ARHGEF37: variants seen among roughly 807,000 people sequenced by gnomAD.
ARHGEF37 encodes the protein Rho guanine nucleotide exchange factor 37.
Under a neutral mutation model 71.1 loss-of-function variants are expected in ARHGEF37, and 55 were observed. The ratio of observed to expected loss-of-function variants is 0.77; its 90% CI spans 0.62 to 0.97. ARHGEF37 has a LOEUF of 0.97. Ranked by LOEUF, ARHGEF37 falls within the 50% of genes least tolerant of loss-of-function variation. The pLI, the probability that ARHGEF37 is intolerant of heterozygous loss-of-function variation, is 0.00. For synonymous variants in ARHGEF37, 327 were observed against 350.6 expected (o/e 0.93, Z 0.75); for missense variants, 765 against 836.8 (o/e 0.91, Z 1.06).
At chr5:149,602,115 G>A (rs375115881) in intron 3 of ARHGEF37, among the ~76,000 whole-genome samples, 5 of 151,150 alleles carry the variant, frequency 3.3e-5, no homozygotes, top group Admixed American at 6.6e-5. Context: ...CGAGTGCAGC[G>A]GCATGATCTC....
intron 1 of ARHGEF37, among the ~76,000 whole-genome samples, chr5:149,563,395 A>G (rs1464207356): frequency 2.0e-5 from 3 of 152,088 alleles, no homozygotes; most frequent in Non-Finnish European, 4.4e-5. Context: ...GACTCTTTCT[A>G]CTTACCTTCT....
intron 1 of ARHGEF37, among the ~76,000 whole-genome samples, chr5:149,569,691 A>G (rs1005066891): frequency 6.6e-6 from 1 of 151,636 alleles, no homozygotes; most frequent in East Asian, 1.9e-4. Context: ...GTCTTGGCTC[A>G]CTGCAACCTC....
chr5:149,626,648 G>A (rs1467434408), intron 10 of ARHGEF37, among the ~76,000 whole-genome samples: 6 of 152,158 alleles, frequency 3.9e-5, no homozygotes, highest in Non-Finnish European at 7.3e-5. Flanking sequence ...TGTGAAATCC[G>A]CCATGTGCTG....
At chr5:149,624,790 T>G (rs1752632606) in intron 10 of ARHGEF37, among the ~76,000 whole-genome samples, 1 of 152,200 alleles carries the variant, frequency 6.6e-6, no homozygotes, top group Non-Finnish European at 1.5e-5. Flanking sequence ...TAAATAAAAA[T>G]TTTGATTATG....
At chr5:149,610,419 G>A (rs570175073) in intron 4 of ARHGEF37, among the ~76,000 whole-genome samples, 14 of 152,238 alleles carry the variant, frequency 9.2e-5, no homozygotes, top group South Asian at 2.1e-4. Context: ...ATATGTATTC[G>A]AATTTAAATT....
intron 11 of ARHGEF37, among the ~76,000 whole-genome samples, chr5:149,627,970 A>G (rs1206396733): frequency 6.6e-6 from 1 of 152,286 alleles, no homozygotes. Flanking sequence ...TAAGTAGTCC[A>G]TAATTCCATG....
intron 1 of ARHGEF37, among the ~76,000 whole-genome samples, chr5:149,561,020 A>G (rs1275382581): frequency 6.6e-6 from 1 of 152,202 alleles, no homozygotes; most frequent in East Asian, 1.9e-4. Context: ...CACGCCTGTA[A>G]TCCCAGCACT....
chr5:149,577,623 T>A (rs974978667), upstream of ARHGEF37, among the ~76,000 whole-genome samples: 4 of 152,204 alleles, frequency 2.6e-5, no homozygotes, highest in Admixed American at 2.6e-4. Context: ...AACACCCACT[T>A]CTCCAGGTTT....
chr5:149,580,048 C>T (rs1020712353), upstream of ARHGEF37, among the ~76,000 whole-genome samples: 1 of 152,004 alleles, frequency 6.6e-6, no homozygotes, highest in Non-Finnish European at 1.5e-5. Context: ...CTCAGCTTCC[C>T]TTGCTTTTCT....
intron 1 of ARHGEF37, among the ~76,000 whole-genome samples, chr5:149,566,111 G>T (rs534932067): frequency 4.0e-5 from 6 of 151,600 alleles, no homozygotes; most frequent in Non-Finnish European, 7.4e-5. Flanking sequence ...CGCCCAAAGT[G>T]CTGGGATTAC....
At chr5:149,590,342 C>T (rs988535895) in intron 1 of ARHGEF37, among the ~76,000 whole-genome samples, 1 of 142,938 alleles carries the variant, frequency 7.0e-6, no homozygotes, top group African/African-American at 2.7e-5. Flanking sequence ...AGTGCAGTGG[C>T]ACAATCTTGG....
intron 1 of ARHGEF37, among the ~76,000 whole-genome samples, chr5:149,561,222 G>T (rs1002893034): frequency 2.8e-5 from 4 of 142,906 alleles, no homozygotes; most frequent in Admixed American, 2.2e-4. Flanking sequence ...GCAGTGAGCC[G>T]AGATCACGCC....
chr5:149,595,481 C>T (rs758083054), intron 1 of ARHGEF37, among the ~76,000 whole-genome samples: 2 of 152,168 alleles, frequency 1.3e-5, no homozygotes, highest in Non-Finnish European at 2.9e-5. Flanking sequence ...GTGCCCAGCC[C>T]TATTTGGTAC....
chr5:149,606,114 T>C (rs1036505565), intron 3 of ARHGEF37, among the ~76,000 whole-genome samples: 1 of 152,192 alleles, frequency 6.6e-6, no homozygotes, highest in South Asian at 2.1e-4. Context: ...CACACTGGTA[T>C]GACACAGTTT....
At chr5:149,564,013 C>T (rs1218439127) in intron 1 of ARHGEF37, among the ~76,000 whole-genome samples, 5 of 133,742 alleles carry the variant, frequency 3.7e-5, no homozygotes, top group East Asian at 4.4e-4. Context: ...AGTGCAGTGG[C>T]GCGATCTTGG....
chr5:149,594,697 C>T (rs916746788), intron 1 of ARHGEF37, among the ~76,000 whole-genome samples: 8 of 152,138 alleles, frequency 5.3e-5, no homozygotes, highest in African/African-American at 1.2e-4. Flanking sequence ...AAAATGAGCA[C>T]GCTGAGCACA....
chr5:149,564,014 G>A (rs1242988864), intron 1 of ARHGEF37, among the ~76,000 whole-genome samples: 1 of 145,320 alleles, frequency 6.9e-6, no homozygotes, highest in South Asian at 2.2e-4. Context: ...GTGCAGTGGC[G>A]CGATCTTGGC....
At chr5:149,592,987 C>G (rs964469184) in intron 1 of ARHGEF37, among the ~76,000 whole-genome samples, 11 of 152,140 alleles carry the variant, frequency 7.2e-5, no homozygotes, top group African/African-American at 2.7e-4. Flanking sequence ...TCAGGCTGGT[C>G]TTGAACTCCT....
rs2113303690 is a variant in ARHGEF37 at position 149,597,796 on chromosome 5, A to G, written c.27A>G (p.Pro9=). The G allele has an allele frequency of 1.3e-6, 2 of 1,571,396 alleles. No homozygotes were observed. The highest frequency in any genetic ancestry group is 1.7e-6 in the Non-Finnish European group (2 of 1,160,892). Residue 9 remains proline, a synonymous_variant, in exon 2 of 13, where the codon CCA becomes CCG. Coordinates refer to ENST00000333677, the MANE Select transcript of ARHGEF37 (RefSeq NM_001001669.3). ...TGGCCAAGCATGGAGCCGACGAGCC[A>G]TCCTCCAGGTCAGGGAGTCCGGACA... MAKHGADE[P]SSRSGSPDRE...
Sources: gnomAD v4.1 joint callset for allele counts (sites outside exome capture counted in the v4.1 genomes callset) on GRCh38, gnomAD v4.1.1 for gene constraint, MANE v1.5 for transcripts, NCBI Gene and HGNC (gene_info 2026-07-23, HGNC 2026-07-21) for gene names.